The following PCDHGA11 variants were observed in gnomAD, a reference collection of about 807,000 sequenced individuals.
The protein encoded by PCDHGA11 is protocadherin gamma-A11.
In PCDHGA11, 39 loss-of-function variants were observed where a neutral mutation model predicts 60.4. The ratio of observed to expected loss-of-function variants is 0.65; its 90% confidence interval spans 0.50 to 0.84. The LOEUF is 0.84. PCDHGA11 is among the 40% of genes least tolerant of loss of function. The pLI is 0.00. For synonymous variants in PCDHGA11, 533 were observed against 510.3 expected, an observed-to-expected ratio of 1.04 and a Z score of -0.60; for missense variants, 1,165 against 1,197.7, an observed-to-expected ratio of 0.97 and a Z score of 0.40.
Position 141,422,227 on chromosome 5 carries a change from A to G in PCDHGA11, c.1000A>G (p.Met334Val). The G allele has an allele frequency of 6.4e-7, 1 of 1,566,716 alleles. No homozygotes were observed. The highest frequency in any genetic ancestry group is 8.6e-7 in the Non-Finnish European group (1 of 1,161,864). Reference protein sequence around the residue: ...DGGGLFTTTTMLITVVDVNDN... With the variant: ...DGGGLFTTTTVLITVVDVNDN... The stretch of plus-strand genomic sequence containing the variant: ...TGGAGGTCTCTTTACCACCACGACG[A>G]TGTTGATCACTGTTGTGGATGTGAA... The change falls in exon 1 of 4, where the codon ATG (methionine) becomes GTG (valine). Residue 334 changes from methionine to valine, a missense_variant. By Grantham distance (21) the Met-to-Val change is conservative. Coordinates refer to ENST00000398587, the MANE Select transcript of PCDHGA11 (RefSeq NM_018914.3).
At chr5:141,452,227 T>C (rs2098736376) in intron 1 of PCDHGA11, among the ~76,000 whole-genome samples, 1 of 152,232 alleles carries the variant, frequency 6.6e-6, no homozygotes, top group African/African-American at 2.4e-5. Context: ...CTCTTCAAGC[T>C]GGTTCTTGTG....
chr5:141,511,241 C>A lies in PCDHGA11; in HGVS notation c.*68C>A. On this transcript the variant is annotated 3_prime_UTR_variant, in exon 4 of 4. Coordinates refer to ENST00000398587, the MANE Select transcript of PCDHGA11 (RefSeq NM_018914.3). ...CCAGCCCAGCTTCTCCTTACCTGCA[C>A]CCAGGCCTCAGAGTTTCAGGGCTAA... 1 of 1,585,212 alleles carries A rather than the reference C, an allele frequency of 6.3e-7. No individual in the cohort carries two copies. The highest frequency in any genetic ancestry group is 8.6e-7 in the Non-Finnish European group (1 of 1,165,762).
chr5:141,471,926 G>A (rs2099266798), intron 1 of PCDHGA11, among the ~76,000 whole-genome samples: 2 of 152,110 alleles, frequency 1.3e-5, no homozygotes. Flanking sequence ...AATTTTGGGG[G>A]TGATGAGAGT....
At chr5:141,464,407 A>G (rs996561936) in intron 1 of PCDHGA11, among the ~76,000 whole-genome samples, 1 of 151,544 alleles carries the variant, frequency 6.6e-6, no homozygotes, top group Non-Finnish European at 1.5e-5. Flanking sequence ...CCTGAGATAT[A>G]TATATATCTA....
At chr5:141,508,151 C>T (rs1306467936) in intron 3 of PCDHGA11, 1 of 152,548 alleles carries the variant, frequency 6.6e-6, no homozygotes, top group Admixed American at 6.5e-5. Flanking sequence ...GGCTGAGTTT[C>T]CCTGAGTAGA....
At chr5:141,504,643 G>A (rs1049421626) in intron 2 of PCDHGA11, among the ~76,000 whole-genome samples, 3 of 124,276 alleles carry the variant, frequency 2.4e-5, no homozygotes, top group African/African-American at 9.0e-5. Flanking sequence ...AAGGTTTGAT[G>A]ATAGAGTGTT....
At chr5:141,480,745 C>T (rs528415324) in intron 1 of PCDHGA11, among the ~76,000 whole-genome samples, 1 of 152,278 alleles carries the variant, frequency 6.6e-6, no homozygotes, top group Non-Finnish European at 1.5e-5. Flanking sequence ...ACATAGGCAT[C>T]ATTTTTTGAA....
rs549866784 is a variant in PCDHGA11, at chr5:141,437,490, A to G, written c.2433+13830A>G. ...TTTTATAGCATATTTAATCTCGTAGATCACTTTTCAATGAATTATAAGGCT... is the reference window on the plus strand; with the variant it reads ...TTTTATAGCATATTTAATCTCGTAGGTCACTTTTCAATGAATTATAAGGCT... On this transcript the variant is annotated intron_variant, in intron 1 of 3. Coordinates refer to ENST00000398587, the MANE Select transcript of PCDHGA11 (RefSeq NM_018914.3). 2.0e-5 allele frequency among the ~76,000 whole-genome samples: 3 copies of G among 152,308 alleles called. No homozygotes were observed. In the East Asian group the frequency reaches 5.8e-4, roughly 29 times the overall value.
intron 1 of PCDHGA11, among the ~76,000 whole-genome samples, chr5:141,469,731 C>A (rs1332201791): frequency 6.6e-6 from 1 of 152,214 alleles, no homozygotes; most frequent in Non-Finnish European, 1.5e-5. Context: ...ATCATAAATA[C>A]ACACCTCAAA....
At chr5:141,450,129 C>T (rs1211301953) in intron 1 of PCDHGA11, among the ~76,000 whole-genome samples, 1 of 151,472 alleles carries the variant, frequency 6.6e-6, no homozygotes, top group African/African-American at 2.4e-5. Context: ...GCCTTAGCCT[C>T]CTGAGTAGCT....
intron 1 of PCDHGA11, among the ~76,000 whole-genome samples, chr5:141,424,908 C>G (rs910592644): frequency 1.3e-5 from 2 of 152,184 alleles, no homozygotes; most frequent in Non-Finnish European, 2.9e-5. Context: ...TCACAGGAAT[C>G]ATTTCCATAA....
intron 1 of PCDHGA11, among the ~76,000 whole-genome samples, chr5:141,456,940 G>A (rs1284610928): frequency 6.6e-6 from 1 of 152,138 alleles, no homozygotes; most frequent in Non-Finnish European, 1.5e-5. Context: ...TCCAGCCTGG[G>A]CAACAGAGCA....
Position 141,511,202 on chromosome 5 carries a change from C to A in PCDHGA11, c.*29C>A. On this transcript the variant is annotated 3_prime_UTR_variant, in exon 4 of 4. Transcript: ENST00000398587. ...GGAGGCCAGGCCAAGAGCCACAGGG[C>A]GGCCTCTCCCCAACCAGCCCAGCTT... The A allele has an allele frequency of 6.2e-7, 1 of 1,612,136 alleles. No individual in the cohort carries two copies.
chr5:141,467,602 A>G (rs981250164), intron 1 of PCDHGA11, among the ~76,000 whole-genome samples: 3 of 152,216 alleles, frequency 2.0e-5, no homozygotes, highest in Non-Finnish European at 4.4e-5. Flanking sequence ...TAAGCACTTC[A>G]TCTTTGTCCC....
chr5:141,453,022 T>C (rs1222692572), intron 1 of PCDHGA11, among the ~76,000 whole-genome samples: 1 of 152,230 alleles, frequency 6.6e-6, no homozygotes, highest in Non-Finnish European at 1.5e-5. Flanking sequence ...ATGTGATTCA[T>C]TAAAATAAAG....
chr5:141,480,265 A>G (rs1041908141), intron 1 of PCDHGA11, among the ~76,000 whole-genome samples: 2 of 151,784 alleles, frequency 1.3e-5, no homozygotes, highest in African/African-American at 2.4e-5. Context: ...ATGTGTTTTC[A>G]TTAGCTGGGT....
intron 2 of PCDHGA11, among the ~76,000 whole-genome samples, chr5:141,500,184 T>TTTTTTTTA (rs1554186429): frequency 7.8e-4 from 106 of 135,966 alleles, no homozygotes; most frequent in African/African-American, 2.4e-3. Context: ...TCATTTTTAT[T>TTTTTTTTA]TTTATTTATT....
intron 3 of PCDHGA11, among the ~76,000 whole-genome samples, chr5:141,506,923 C>G: frequency 6.6e-6 from 1 of 152,184 alleles, no homozygotes; most frequent in African/African-American, 2.4e-5. Flanking sequence ...ACATACTAAA[C>G]AAACTTTAGG....
intron 2 of PCDHGA11, among the ~76,000 whole-genome samples, chr5:141,495,826 A>G (rs1190417828): frequency 6.6e-6 from 1 of 150,888 alleles, no homozygotes; most frequent in African/African-American, 2.4e-5. Flanking sequence ...GTGTTCTTCT[A>G]TCCCCAGCCT....
Sources: gnomAD v4.1 joint callset for allele counts (sites outside exome capture counted in the v4.1 genomes callset) on GRCh38, gnomAD v4.1.1 for gene constraint, MANE v1.5 for transcripts, NCBI Gene and HGNC (gene_info 2026-07-23, HGNC 2026-07-21) for gene names.